CNNM1: variants seen among roughly 807,000 people sequenced by gnomAD.
CNNM1 encodes cyclin and CBS domain divalent metal cation transport mediator 1.
In CNNM1, 44 loss-of-function variants were observed where a neutral mutation model predicts 78.8. The ratio of observed to expected loss-of-function variants is 0.56; its 90% CI spans 0.44 to 0.72. The LOEUF (loss-of-function observed/expected upper bound fraction) is 0.72. Among genes scored for constraint, CNNM1 ranks in the 30% least tolerant of loss-of-function variants. The probability of loss-of-function intolerance (pLI) is 0.00; values close to 1 mark genes in which losing one functional copy is unlikely to be tolerated. For missense variants in CNNM1, 1,101 were observed against 1,292.2 expected, an observed-to-expected ratio of 0.85 and a Z score of 2.27; for synonymous variants, 584 against 581.5, an observed-to-expected ratio of 1.00 and a Z score of -0.06.
rs995593569 is a variant in CNNM1, at chr10:99,393,817, A to C, written c.*2301A>C. 2 of 152,276 alleles carry C rather than the reference A, an allele frequency of 1.3e-5. No individual in the cohort carries two copies. Among genetic ancestry groups the C allele is most frequent in the African/African-American group, 4.8e-5 (2 of 41,434 alleles). 9.4% of individuals were successfully genotyped at this position (152,276 alleles called of 1,614,324 possible). ...AGGGCCACAGCGTGTGGAAGTAAAG[A>C]CTTTGGAGCTAGAGAAGCCTTTTCC... is the stretch of plus-strand genomic sequence containing the variant. On this transcript the variant is annotated 3_prime_UTR_variant, in exon 11 of 11. Transcript: ENST00000356713.
chr10:99,384,565 A>G (rs961826129), intron 7 of CNNM1, among the ~76,000 whole-genome samples: 4 of 149,992 alleles, frequency 2.7e-5, no homozygotes, highest in Non-Finnish European at 4.4e-5. Flanking sequence ...CTTTAGCATC[A>G]CTGACAAGTG....
At chr10:99,343,496 G>A (rs2862602) in intron 1 of CNNM1, among the ~76,000 whole-genome samples, 58,798 of 151,918 alleles carry the variant, frequency 0.39, 15,555 homozygotes, top group African/African-American at 0.76. Flanking sequence ...TGTATATGCA[G>A]CACCAGAGAT....
At chr10:99,352,481 C>T (rs1461632992) in intron 1 of CNNM1, among the ~76,000 whole-genome samples, 4 of 152,196 alleles carry the variant, frequency 2.6e-5, no homozygotes, top group Non-Finnish European at 5.9e-5. Context: ...TTCAATCCCA[C>T]CAGCAATGTC....
chr10:99,388,518 C>A (rs957462307), intron 9 of CNNM1, among the ~76,000 whole-genome samples: 4 of 152,154 alleles, frequency 2.6e-5, no homozygotes, highest in African/African-American at 7.2e-5. Flanking sequence ...CTGTGTAGGG[C>A]AGTATTAGGA....
chr10:99,343,399 A>G (rs1436455658), intron 1 of CNNM1, among the ~76,000 whole-genome samples: 1 of 152,248 alleles, frequency 6.6e-6, no homozygotes, highest in Admixed American at 6.5e-5. Flanking sequence ...ATAAACAAAT[A>G]TCACAGCCAT....
Position 99,340,814 on chromosome 10 carries a change from CTTTCT to C in CNNM1, c.1573+9872_1573+9876del, listed in dbSNP as rs376121477. Among the ~76,000 whole-genome samples the C allele has an allele frequency of 2.9e-3, 388 of 132,174 alleles. 2 individuals are homozygous for C. Among genetic ancestry groups the C allele is most frequent in the Middle Eastern group, 0.011 (3 of 266 alleles). 86.7% of individuals were successfully genotyped at this position (132,174 alleles called of 152,430 possible). A position where few individuals can be genotyped will look rare whatever the true frequency, so the allele number is the denominator to read the frequency against. On this transcript the variant is annotated intron_variant, in intron 1 of 10. Transcript: ENST00000356713. ...TTTCTTTCTTACTTTCTCTTTCTTT[CTTTCT>C]TTTCTTTTCTTTTCTTTCTCTTTCT...
Position 99,357,609 on chromosome 10 carries a change from AGAG to A in CNNM1, c.1675_1677del (p.Glu559del). 6.2e-7 allele frequency: 1 copy of A among 1,613,618 alleles called. No individual in the cohort carries two copies. Among genetic ancestry groups the A allele is most frequent in the Non-Finnish European group, 8.5e-7 (1 of 1,179,720 alleles). On this transcript the variant is annotated inframe_deletion, in exon 2 of 11. Transcript: ENST00000356713. ...GCATTGTCACGCTGGAGGATATCATAGAGGAGATTATCAAGTCGGAGATCCTGG... is the reference window on the plus strand; with the variant it reads ...GCATTGTCACGCTGGAGGATATCATAGAGATTATCAAGTCGGAGATCCTGG...
At position 99,391,622 on chromosome 10, in the gene CNNM1, T is replaced by C. The variant is rs2032475354; in HGVS notation, c.*106T>C. On this transcript the variant is annotated 3_prime_UTR_variant, in exon 11 of 11. Coordinates refer to ENST00000356713, the MANE Select transcript of CNNM1 (RefSeq NM_020348.3). ...CCAAGGCCTCCCACAGGTGACAGAA[T>C]GTTCTGCCTTCCCTTCCATCTCTTC... The C allele has an allele frequency of 2.2e-6, 2 of 913,176 alleles. No homozygotes were observed. The highest frequency in any genetic ancestry group is 3.4e-6 in the Non-Finnish European group (2 of 588,650). The allele number at this position is 913,176 out of a possible 1,614,324, so 56.6% of individuals were successfully genotyped here. A position where few individuals can be genotyped will look rare whatever the true frequency, so the allele number is the denominator to read the frequency against.
At chr10:99,383,172 TAGAG>T (rs1229085519) in intron 7 of CNNM1, among the ~76,000 whole-genome samples, 1 of 152,174 alleles carries the variant, frequency 6.6e-6, no homozygotes, top group Non-Finnish European at 1.5e-5. Flanking sequence ...TAAGACCAGT[TAGAG>T]AGAGGAAGCT....
intron 2 of CNNM1, among the ~76,000 whole-genome samples, chr10:99,359,628 T>C (rs956850693): frequency 3.9e-5 from 6 of 152,114 alleles, no homozygotes; most frequent in African/African-American, 1.4e-4. Context: ...TTGACCCTTC[T>C]AGAAGGAAAC....
intron 6 of CNNM1, among the ~76,000 whole-genome samples, chr10:99,365,459 T>A (rs1051299229): frequency 3.9e-5 from 6 of 152,226 alleles, no homozygotes; most frequent in African/African-American, 1.4e-4. Context: ...TCCACCTTTG[T>A]GCAATACGTT....
At chr10:99,335,210 A>G (rs1289427690) in intron 1 of CNNM1, among the ~76,000 whole-genome samples, 1 of 152,234 alleles carries the variant, frequency 6.6e-6, no homozygotes, top group Non-Finnish European at 1.5e-5. Flanking sequence ...ACATTTCTAT[A>G]TACCTTCTCT....
chr10:99,372,292 T>C (rs1049772264), intron 6 of CNNM1, among the ~76,000 whole-genome samples: 5 of 152,108 alleles, frequency 3.3e-5, no homozygotes, highest in Admixed American at 1.3e-4. Flanking sequence ...AGGACAGATA[T>C]CTGTTAGAGA....
rs1429237929 is a variant in CNNM1 at position 99,330,032 on chromosome 10, C to G, written c.645C>G (p.Gly215=). Residue 215 remains glycine, a synonymous_variant, in exon 1 of 11, where the codon GGC becomes GGG. Transcript: ENST00000356713. ...TTCGCCCGCGGTTGTACGGCCCAGG[C>G]GGGGACCTGCTGCCCCCTGCGTGGC... ...LRVRPRLYGP[G]GDLLPPAWLR... 6.1e-6 allele frequency: 9 copies of G among 1,486,806 alleles called. No individual in the cohort carries two copies. Among genetic ancestry groups the G allele is most frequent in the Non-Finnish European group, 8.0e-6 (9 of 1,129,838 alleles). 92.1% of individuals were successfully genotyped at this position (1,486,806 alleles called of 1,614,324 possible).
intron 1 of CNNM1, 36 bp from the exon 2 acceptor site, chr10:99,357,476 C>G (rs778820243): frequency 6.3e-7 from 1 of 1,593,298 alleles, no homozygotes; most frequent in Non-Finnish European, 8.5e-7. Flanking sequence ...CTGAAAATGT[C>G]CCCGATACTT....
At chr10:99,384,599 C>G (rs1186172176) in intron 7 of CNNM1, among the ~76,000 whole-genome samples, 1 of 151,990 alleles carries the variant, frequency 6.6e-6, no homozygotes, top group Non-Finnish European at 1.5e-5. Flanking sequence ...TGTGTGAATG[C>G]CTCCAATGAT....
intron 1 of CNNM1, among the ~76,000 whole-genome samples, chr10:99,356,593 AAAG>A (rs1564947300): frequency 7.4e-4 from 99 of 134,306 alleles, no homozygotes; most frequent in African/African-American, 2.5e-3. Context: ...AGAAAGAAAG[AAAG>A]AAAGAAAGAA....
chr10:99,390,477 T>A (rs2032441880), intron 10 of CNNM1, 70 bp downstream of exon 10: 2 of 1,151,260 alleles, frequency 1.7e-6, no homozygotes, highest in Admixed American at 3.9e-5. Context: ...CATGTTAGCA[T>A]CTTCCTCTTG....
At chr10:99,332,780 G>C (rs1169929584) in intron 1 of CNNM1, among the ~76,000 whole-genome samples, 1 of 152,190 alleles carries the variant, frequency 6.6e-6, no homozygotes, top group Non-Finnish European at 1.5e-5. Flanking sequence ...TGAGAAGGGA[G>C]AGAAATGTAT....
Sources: allele counts gnomAD v4.1 joint callset (sites outside exome capture counted in the v4.1 genomes callset), GRCh38; gene constraint gnomAD v4.1.1; transcripts MANE v1.5; gene names NCBI Gene and HGNC (gene_info 2026-07-23, HGNC 2026-07-21).